TNNI3K: variants seen among roughly 807,000 people sequenced by gnomAD.
TNNI3K encodes the protein TNNI3 interacting kinase, also known as serine/threonine-protein kinase TNNI3K.
A neutral mutation model predicts 114.5 loss-of-function variants in TNNI3K; 140 were observed. The observed-to-expected ratio is 1.22, with a 90% CI of 1.07 to 1.41. The LOEUF is 1.41. Ranked by LOEUF, TNNI3K falls within the 40% of genes most tolerant of loss-of-function variation. The probability of loss-of-function intolerance (pLI) is 0.00; values close to 1 mark genes in which losing one functional copy is unlikely to be tolerated. For synonymous variants in TNNI3K, 347 were observed against 347.5 expected (o/e 1.00, Z 0.02); for missense variants, 1,125 against 1,007.6 (o/e 1.12, Z -1.58).
intron 23 of TNNI3K, among the ~76,000 whole-genome samples, chr1:74,524,437 T>G (rs562048657): frequency 8.8e-4 from 134 of 152,110 alleles, no homozygotes; most frequent in African/African-American, 3.1e-3. Flanking sequence ...ACAGCTAGAG[T>G]ATGTAGGGCC....
At chr1:74,455,639 C>A (rs1356106020) in intron 20 of TNNI3K, among the ~76,000 whole-genome samples, 5 of 152,144 alleles carry the variant, frequency 3.3e-5, no homozygotes, top group African/African-American at 1.2e-4. Context: ...AGTTCAAAGT[C>A]CTGAGAATCA....
intron 4 of TNNI3K, among the ~76,000 whole-genome samples, chr1:74,260,102 G>A (rs1205905597): frequency 6.6e-6 from 1 of 152,076 alleles, no homozygotes; most frequent in Non-Finnish European, 1.5e-5. Flanking sequence ...TTAAAACCAA[G>A]ATAAACTGAG....
chr1:74,467,878 C>A (rs527978718), intron 21 of TNNI3K, among the ~76,000 whole-genome samples: 10 of 152,008 alleles, frequency 6.6e-5, no homozygotes, highest in Non-Finnish European at 1.3e-4. Context: ...ACAAGCGCCC[C>A]AGGTGATTTG....
chr1:74,444,069 A>C (rs1666513338), intron 20 of TNNI3K, among the ~76,000 whole-genome samples: 1 of 152,236 alleles, frequency 6.6e-6, no homozygotes, highest in South Asian at 2.1e-4. Flanking sequence ...AATGGGCAAA[A>C]GCTGGAAGCA....
At chr1:74,399,081 G>A (rs190770707) in intron 17 of TNNI3K, among the ~76,000 whole-genome samples, 9 of 150,650 alleles carry the variant, frequency 6.0e-5, no homozygotes, top group Middle Eastern at 3.4e-3. Flanking sequence ...GCTTGAACCC[G>A]GGAGGTGGAC....
chr1:74,466,526 G>A (rs1667689064), intron 21 of TNNI3K, among the ~76,000 whole-genome samples: 1 of 152,230 alleles, frequency 6.6e-6, no homozygotes, highest in African/African-American at 2.4e-5. Context: ...CTGTTAAGAA[G>A]TGAAGTTTGT....
At chr1:74,513,516 T>C (rs1646297933) in intron 23 of TNNI3K, among the ~76,000 whole-genome samples, 1 of 152,250 alleles carries the variant, frequency 6.6e-6, no homozygotes. Context: ...GGAGTTCCTC[T>C]TCCTTTCATT....
At chr1:74,365,014 T>C (rs1325332664) in intron 11 of TNNI3K, among the ~76,000 whole-genome samples, 2 of 152,098 alleles carry the variant, frequency 1.3e-5, no homozygotes, top group African/African-American at 2.4e-5. Context: ...ATGAATACAC[T>C]GGTATTTAGA....
intron 5 of TNNI3K, among the ~76,000 whole-genome samples, chr1:74,298,696 C>CTATA (rs1023429213): frequency 2.0e-4 from 30 of 152,104 alleles, no homozygotes; most frequent in African/African-American, 6.3e-4. Flanking sequence ...TTCACACATA[C>CTATA]TATATATAAT....
At chr1:74,540,445 T>C in intron 24 of TNNI3K, 132 bp downstream of exon 24, 1 of 856,698 alleles carries the variant, frequency 1.2e-6, no homozygotes, top group Non-Finnish European at 1.7e-6. Context: ...TATAAAAGTA[T>C]AAAATTTGAT....
Position 74,544,105 on chromosome 1 carries a change from T to C in TNNI3K, c.*123T>C. Reference sequence around the variant, plus strand: ...CAAAGGTCTCCTTAAATTGGGCTTGTTTTTACTTGTCCTATTTAATTCCCC... The same window carrying C: ...CAAAGGTCTCCTTAAATTGGGCTTGCTTTTACTTGTCCTATTTAATTCCCC... On this transcript the variant is annotated 3_prime_UTR_variant, in exon 25 of 25. Coordinates refer to ENST00000326637, the MANE Select transcript of TNNI3K (RefSeq NM_015978.3). 2 of 1,047,164 alleles carry C rather than the reference T, an allele frequency of 1.9e-6. No individual in the cohort carries two copies. The highest frequency in any genetic ancestry group is 2.7e-6 in the Non-Finnish European group (2 of 744,742). The allele number at this position is 1,047,164 out of a possible 1,614,324, so 64.9% of individuals were successfully genotyped here.
At chr1:74,507,298 C>T (rs377479571) in intron 23 of TNNI3K, among the ~76,000 whole-genome samples, 1 of 148,974 alleles carries the variant, frequency 6.7e-6, no homozygotes, top group Non-Finnish European at 1.5e-5. Flanking sequence ...AATGTCTCCT[C>T]CTGTAGGAAG....
intron 17 of TNNI3K, among the ~76,000 whole-genome samples, chr1:74,402,627 T>A (rs1398794405): frequency 6.6e-6 from 1 of 152,252 alleles, no homozygotes; most frequent in Non-Finnish European, 1.5e-5. Flanking sequence ...ACTTTTTTGG[T>A]AGAGTCTTCA....
intron 6 of TNNI3K, among the ~76,000 whole-genome samples, chr1:74,332,650 A>G (rs1371612831): frequency 6.6e-6 from 1 of 152,142 alleles, no homozygotes; most frequent in Non-Finnish European, 1.5e-5. Flanking sequence ...CAGGTGAGGT[A>G]GCATGCCAGA....
intron 23 of TNNI3K, among the ~76,000 whole-genome samples, chr1:74,501,352 T>C (rs1261519487): frequency 6.6e-6 from 1 of 152,204 alleles, no homozygotes; most frequent in African/African-American, 2.4e-5. Context: ...CAGGAGAGTT[T>C]AAAAAAAGCT....
chr1:74,283,900 A>T (rs1013385024), intron 5 of TNNI3K, among the ~76,000 whole-genome samples: 1 of 152,198 alleles, frequency 6.6e-6, no homozygotes, highest in Non-Finnish European at 1.5e-5. Context: ...GCAGTTGGTA[A>T]GAAACGCCTA....
intron 21 of TNNI3K, chr1:74,469,970 T>G: frequency 7.5e-6 from 3 of 400,732 alleles, no homozygotes; most frequent in Non-Finnish European, 1.3e-5. Context: ...TCATTTATTC[T>G]GCTAGGAACT....
chr1:74,483,337 C>A, intron 21 of TNNI3K: 2 of 717,424 alleles, frequency 2.8e-6, no homozygotes, highest in South Asian at 3.0e-5. Flanking sequence ...CAAGCTGCCA[C>A]CAACCGCAAC....
chr1:74,319,077 G>A (rs1182778830), intron 5 of TNNI3K, among the ~76,000 whole-genome samples: 1 of 152,208 alleles, frequency 6.6e-6, no homozygotes, highest in Non-Finnish European at 1.5e-5. Flanking sequence ...GGCTTAGCTG[G>A]ATCCCCTGGC....
Sources: allele counts gnomAD v4.1 joint callset (sites outside exome capture counted in the v4.1 genomes callset), GRCh38; gene constraint gnomAD v4.1.1; transcripts MANE v1.5; gene names NCBI Gene and HGNC (gene_info 2026-07-23, HGNC 2026-07-21).